Variants in TRIM23 observed in about 807,000 individuals in gnomAD.
The protein encoded by TRIM23 is E3 ubiquitin-protein ligase TRIM23.
A neutral mutation model predicts 71.0 loss-of-function variants in TRIM23; 27 were observed. The observed-to-expected ratio is 0.38, with a 90% CI of 0.28 to 0.52. TRIM23 has a LOEUF of 0.52. Ranked by LOEUF, TRIM23 falls within the 20% of genes least tolerant of loss-of-function variation. TRIM23 has a pLI of 0.84. For synonymous variants in TRIM23, 234 were observed against 238.0 expected (o/e 0.98, Z 0.16); for missense variants, 482 against 692.3 (o/e 0.70, Z 3.41).
Position 65,611,858 on chromosome 5 carries a change from A to G in TRIM23, c.390T>C (p.Asp130=), listed in dbSNP as rs780042533. The G allele has an allele frequency of 1.2e-6, 2 of 1,612,394 alleles. No homozygotes were observed. The highest frequency in any genetic ancestry group is 1.7e-6 in the Non-Finnish European group (2 of 1,178,476). Residue 130 remains aspartate (D), a synonymous_variant, in exon 4 of 11, where the codon GAT becomes GAC. Coordinates refer to ENST00000231524, the MANE Select transcript of TRIM23 (RefSeq NM_001656.4). The stretch of plus-strand genomic sequence containing the variant: ...AATATACAGAGGCAAGGTGAGCTTC[A>G]TCTTCATCACAACGAATGATGCTCT... ...SGESIIRCDE[D]EAHLASVYCT...
At chr5:65,593,586 A>G (rs955665516) in intron 10 of TRIM23, among the ~76,000 whole-genome samples, 2 of 152,064 alleles carry the variant, frequency 1.3e-5, no homozygotes, top group African/African-American at 4.8e-5. Flanking sequence ...TATTAAGGGG[A>G]AAATTCTTTA....
chr5:65,591,869 T>C lies in TRIM23; in HGVS notation c.1625A>G (p.Tyr542Cys), dbSNP rs1270434514. Residue 542 changes from tyrosine (Y) to cysteine (C), a missense_variant, in exon 11 of 11, where the codon TAT becomes TGT. Transcript: ENST00000231524. Reference protein sequence around the residue: ...LHKLCCGRSWYIQGCDARSGM... With the variant: ...LHKLCCGRSWCIQGCDARSGM... ...ACTTCGAGCATCACAGCCCTGAATA[T>C]ACCAGCTACGGCCACAGCATAATTT... The C allele has an allele frequency of 6.2e-7, 1 of 1,613,982 alleles. No individual in the cohort carries two copies. Among genetic ancestry groups the C allele is most frequent in the African/African-American group, 1.3e-5 (1 of 74,988 alleles).
chr5:65,624,324 A>G lies in TRIM23; in HGVS notation c.-50T>C. 6.2e-7 allele frequency: 1 copy of G among 1,600,064 alleles called. No homozygotes were observed. The highest frequency in any genetic ancestry group is 8.5e-7 in the Non-Finnish European group (1 of 1,174,146). On this transcript the variant is annotated 5_prime_UTR_variant, in exon 1 of 11. Transcript: ENST00000231524. ...ACAGCCTTCAGAGTCCTCAACTGAG[A>G]GGCGGGGTTGAGCCACCTACCCAGA...
At chr5:65,592,090 C>T (rs1754055387) in intron 10 of TRIM23, 142 bp from the exon 11 acceptor site, 1 of 745,522 alleles carries the variant, frequency 1.3e-6, no homozygotes, top group Non-Finnish European at 2.1e-6. Flanking sequence ...AGTAATTATT[C>T]TGAGATTAAT....
chr5:65,617,769 G>A (rs1217631822), intron 2 of TRIM23, among the ~76,000 whole-genome samples: 2 of 152,082 alleles, frequency 1.3e-5, no homozygotes, highest in Non-Finnish European at 2.9e-5. Context: ...GTTCTATTGG[G>A]TTTATGGCTT....
rs1754044169 is a variant in TRIM23, at chr5:65,591,941, G to A, written c.1553C>T (p.Ala518Val). The stretch of plus-strand genomic sequence containing the variant: ...GATTTCTTCTACTGACAGTGCTCCA[G>A]CAACATCCTGAAAGATATATACACA... ...LLIFANKQDV[A>V]GALSVEEITE... The change falls in exon 11 of 11, where the codon GCT becomes GTT. Residue 518 changes from alanine (A) to valine (V), a missense_variant. Ala to Val is a moderately conservative substitution (Grantham distance 64). This residue lies in a region of TRIM23 where 307 missense variants were observed against 495.8 expected (regional missense o/e 0.62). Transcript: ENST00000231524. 1 of 1,613,018 alleles carries A rather than the reference G, an allele frequency of 6.2e-7. No individual in the cohort carries two copies. Among genetic ancestry groups the A allele is most frequent in the South Asian group, 1.1e-5 (1 of 90,998 alleles).
At chr5:65,602,284 T>C (rs879793538) in intron 7 of TRIM23, among the ~76,000 whole-genome samples, 3 of 152,172 alleles carry the variant, frequency 2.0e-5, no homozygotes, top group Non-Finnish European at 4.4e-5. Context: ...AGTTTGAAGT[T>C]CCACAAATGT....
In TRIM23 at chr5:65,591,525, T is replaced by A; in HGVS notation, c.*244A>T. The A allele has an allele frequency of 6.6e-7, 1 of 1,507,276 alleles. No individual in the cohort carries two copies. The highest frequency in any genetic ancestry group is 9.0e-7 in the Non-Finnish European group (1 of 1,110,510). The allele number at this position is 1,507,276 out of a possible 1,614,324, so 93.4% of individuals were successfully genotyped here. A position where few individuals can be genotyped will look rare whatever the true frequency, so the allele number is the denominator to read the frequency against. Reference sequence around the variant, plus strand: ...AAACTTAAATAACAAATATACTTTTTAAAAGAATGTATATTCAATAAGTTT... The same window carrying A: ...AAACTTAAATAACAAATATACTTTTAAAAAGAATGTATATTCAATAAGTTT... On this transcript the variant is annotated 3_prime_UTR_variant, in exon 11 of 11. Transcript: ENST00000231524.
At chr5:65,592,646 T>C (rs1754076049) in intron 10 of TRIM23, among the ~76,000 whole-genome samples, 1 of 152,180 alleles carries the variant, frequency 6.6e-6, no homozygotes, top group South Asian at 2.1e-4. Context: ...TGAACACCCA[T>C]TGCCCCAACT....
rs1438192127 is a variant in TRIM23, at chr5:65,590,649, TCA to T, written c.*1118_*1119del. 2.0e-6 allele frequency: 2 copies of T among 986,762 alleles called. No individual in the cohort carries two copies. Among genetic ancestry groups the T allele is most frequent in the Admixed American group, 6.0e-5 (1 of 16,770 alleles). The allele number at this position is 986,762 out of a possible 1,614,324, so 61.1% of individuals were successfully genotyped here. A position where few individuals can be genotyped will look rare whatever the true frequency, so the allele number is the denominator to read the frequency against. ...GTAAAGAGCACACATTTTTATTTAC[TCA>T]CAACACTGAATAATTAATGTAAACT... On this transcript the variant is annotated 3_prime_UTR_variant, in exon 11 of 11. Coordinates refer to ENST00000231524, the MANE Select transcript of TRIM23 (RefSeq NM_001656.4).
At chr5:65,594,407 C>G in intron 10 of TRIM23, 114 bp downstream of exon 10, 1 of 1,316,706 alleles carries the variant, frequency 7.6e-7, no homozygotes, top group Non-Finnish European at 1.0e-6. Context: ...ACTCAAAATA[C>G]ACAGAAGAAA....
chr5:65,606,503 T>G (rs1473183726), intron 6 of TRIM23, among the ~76,000 whole-genome samples: 1 of 151,154 alleles, frequency 6.6e-6, no homozygotes, highest in Non-Finnish European at 1.5e-5. Flanking sequence ...GTCCTTATAA[T>G]GCCTCACAGG....
Position 65,590,095 on chromosome 5 carries a change from GTT to G in TRIM23, c.*1672_*1673del. ...ATATGCTAAGAATGTGCATTACAAAGTTTAGCAAAATTAGTGAAAAGGGAAGC... is the reference window on the plus strand; with the variant it reads ...ATATGCTAAGAATGTGCATTACAAAGTAGCAAAATTAGTGAAAAGGGAAGC... On this transcript the variant is annotated 3_prime_UTR_variant, in exon 11 of 11. Transcript: ENST00000231524. 1 of 429,836 alleles carries G rather than the reference GTT, an allele frequency of 2.3e-6. No individual in the cohort carries two copies. Among genetic ancestry groups the G allele is most frequent in the South Asian group, 5.7e-5 (1 of 17,440 alleles). 26.6% of individuals were successfully genotyped at this position (429,836 alleles called of 1,614,324 possible). A position where few individuals can be genotyped will look rare whatever the true frequency, so the allele number is the denominator to read the frequency against.
Position 65,590,367 on chromosome 5 carries a change from T to G in TRIM23, c.*1402A>C. 1 of 1,324,996 alleles carries G rather than the reference T, an allele frequency of 7.5e-7. No individual in the cohort carries two copies. Among genetic ancestry groups the G allele is most frequent in the Non-Finnish European group, 1.0e-6 (1 of 996,696 alleles). 82.1% of individuals were successfully genotyped at this position (1,324,996 alleles called of 1,614,324 possible). The stretch of plus-strand genomic sequence containing the variant: ...CATATTGCCCATAATACTGATAGGC[T>G]TTTTTTTTAATGCTTTGTTTTCTAA... On this transcript the variant is annotated 3_prime_UTR_variant, in exon 11 of 11. Coordinates refer to ENST00000231524, the MANE Select transcript of TRIM23 (RefSeq NM_001656.4).
intron 1 of TRIM23, 26 bp from the exon 2 acceptor site, chr5:65,618,281 C>A: frequency 6.3e-7 from 1 of 1,580,682 alleles, no homozygotes; most frequent in Non-Finnish European, 8.6e-7. Flanking sequence ...GAAGGATGTG[C>A]TCTTTAAACA....
intron 6 of TRIM23, among the ~76,000 whole-genome samples, chr5:65,606,102 G>A (rs1754490896): frequency 6.6e-6 from 1 of 152,038 alleles, no homozygotes; most frequent in Non-Finnish European, 1.5e-5. Flanking sequence ...ATAAGATTAA[G>A]TCACTCTTCT....
intron 1 of TRIM23, 52 bp downstream of exon 1, chr5:65,624,142 A>G: frequency 6.2e-7 from 1 of 1,611,262 alleles, no homozygotes; most frequent in African/African-American, 1.3e-5. Flanking sequence ...GGTCTCCAGG[A>G]TGAACCGAAG....
At position 65,624,312 on chromosome 5, in the gene TRIM23, T is replaced by A. The variant is rs776898471; in HGVS notation, c.-38A>T. The A allele has an allele frequency of 5.0e-6, 8 of 1,609,288 alleles. No individual in the cohort carries two copies. The highest frequency in any genetic ancestry group is 1.1e-5 in the South Asian group (1 of 90,662). On this transcript the variant is annotated 5_prime_UTR_variant, in exon 1 of 11. Transcript: ENST00000231524. ...AGCGCCACAGAAACAGCCTTCAGAGTCCTCAACTGAGAGGCGGGGTTGAGC... is the reference window on the plus strand; with the variant it reads ...AGCGCCACAGAAACAGCCTTCAGAGACCTCAACTGAGAGGCGGGGTTGAGC...
At chr5:65,621,214 C>T (rs1349484107) in intron 1 of TRIM23, among the ~76,000 whole-genome samples, 3 of 151,934 alleles carry the variant, frequency 2.0e-5, no homozygotes, top group Non-Finnish European at 4.4e-5. Flanking sequence ...TAGCCAGGCG[C>T]GGTGGCGGGC....
Sources: gnomAD v4.1 joint callset for allele counts (sites outside exome capture counted in the v4.1 genomes callset) on GRCh38, gnomAD v4.1.1 for gene constraint, gnomAD v4.1.1 regional missense constraint, MANE v1.5 for transcripts, NCBI Gene and HGNC (gene_info 2026-07-23, HGNC 2026-07-21) for gene names.